Variants in TLN2 observed in about 807,000 individuals in gnomAD.
TLN2 encodes the protein talin 2, also known as talin-2.
A neutral mutation model predicts 294.7 loss-of-function variants in TLN2; 118 were observed. The observed-to-expected ratio is 0.40, with a 90% CI of 0.34 to 0.47. The LOEUF is 0.47. Among genes scored for constraint, TLN2 ranks in the 20% least tolerant of loss-of-function variants. The pLI, the probability that TLN2 is intolerant of heterozygous loss-of-function variation, is 0.84. For synonymous variants in TLN2, 1,431 were observed against 1,304.5 expected (o/e 1.10, Z -2.09); for missense variants, 3,083 against 3,282.2 (o/e 0.94, Z 1.48).
chr15:62,422,768 A>G (rs2034488907), intron 1 of TLN2, among the ~76,000 whole-genome samples: 1 of 151,984 alleles, frequency 6.6e-6, no homozygotes, highest in South Asian at 2.1e-4. Context: ...TGGTTTCTGG[A>G]TTTTTCACCT....
chr15:62,662,118 A>C (rs1203662016), intron 9 of TLN2, among the ~76,000 whole-genome samples: 5 of 152,142 alleles, frequency 3.3e-5, no homozygotes, highest in Non-Finnish European at 7.4e-5. Flanking sequence ...ACAGAGAATC[A>C]ATAAACCCAA....
At chr15:62,429,682 G>A (rs1313230174) in intron 1 of TLN2, among the ~76,000 whole-genome samples, 2 of 152,132 alleles carry the variant, frequency 1.3e-5, no homozygotes, top group African/African-American at 4.8e-5. Flanking sequence ...TGTGGCCCCT[G>A]GTCAAGGTGC....
At chr15:62,520,769 G>T (rs967315247) in intron 1 of TLN2, among the ~76,000 whole-genome samples, 3 of 152,140 alleles carry the variant, frequency 2.0e-5, no homozygotes, top group Non-Finnish European at 4.4e-5. Context: ...GTGTATATCT[G>T]TTTTAGAAGT....
chr15:62,678,982 T>C (rs185058997), intron 11 of TLN2, among the ~76,000 whole-genome samples: 12 of 151,952 alleles, frequency 7.9e-5, no homozygotes, highest in Admixed American at 6.5e-4. Flanking sequence ...ACAAAATTAC[T>C]ATGACTTGTA....
At chr15:62,781,327 T>A in intron 44 of TLN2, 86 bp downstream of exon 44, 1 of 1,047,710 alleles carries the variant, frequency 9.5e-7, no homozygotes, top group Non-Finnish European at 1.4e-6. Flanking sequence ...CAGATCTGTG[T>A]CAGAGAGAGA....
chr15:62,605,880 G>A (rs917999084), intron 2 of TLN2, among the ~76,000 whole-genome samples: 2 of 152,152 alleles, frequency 1.3e-5, no homozygotes, highest in Non-Finnish European at 2.9e-5. Context: ...CTCTTCAGAT[G>A]TGCCTGGTAC....
chr15:62,480,400 GAC>G (rs2038016017), intron 1 of TLN2, among the ~76,000 whole-genome samples: 1 of 152,072 alleles, frequency 6.6e-6, no homozygotes, highest in Non-Finnish European at 1.5e-5. Context: ...TTTTATTAGA[GAC>G]AGAGTTTCAC....
Position 62,840,636 on chromosome 15 carries a change from C to T in TLN2, c.*26C>T, listed in dbSNP as rs57314391. On this transcript the variant is annotated 3_prime_UTR_variant, in exon 59 of 59. Coordinates refer to ENST00000636159, the MANE Select transcript of TLN2 (RefSeq NM_015059.3). ...AGGTGCGAGCCCAGATGGCGAGCCC[C>T]AGGGGATGGCCCTGGCTGAACTGGA... is the stretch of plus-strand genomic sequence containing the variant. 2,938 of 1,610,572 alleles carry T rather than the reference C, an allele frequency of 1.8e-3. 40 individuals are homozygous for T. The African/African-American group carries it at 0.032, about 18-fold the overall frequency.
chr15:62,654,162 T>G (rs1388025248), intron 7 of TLN2, among the ~76,000 whole-genome samples: 1 of 152,222 alleles, frequency 6.6e-6, no homozygotes, highest in African/African-American at 2.4e-5. Context: ...CATGTCTTTT[T>G]GCAGTTTTTG....
intron 14 of TLN2, among the ~76,000 whole-genome samples, chr15:62,696,458 G>C (rs995942214): frequency 6.6e-6 from 1 of 152,208 alleles, no homozygotes; most frequent in Admixed American, 6.5e-5. Flanking sequence ...TGTATTCCCA[G>C]CACTTTGGGA....
At chr15:62,742,928 G>A (rs1279827934) in intron 32 of TLN2, among the ~76,000 whole-genome samples, 1 of 152,196 alleles carries the variant, frequency 6.6e-6, no homozygotes, top group African/African-American at 2.4e-5. Flanking sequence ...TTCATTCATT[G>A]TCTTATTCAT....
At position 62,770,944 on chromosome 15, in the gene TLN2, T is replaced by TC. The variant is rs2063317378; in HGVS notation, c.5197-20_5197-19insC. On this transcript the variant is annotated intron_variant, in intron 41 of 58. Transcript: ENST00000636159. ...GTATTTACATGATACATCTCTGGCT[T>TC]TTTTTTTTTTTTTTGAAAGGTGACA... is the stretch of plus-strand genomic sequence containing the variant. The TC allele has an allele frequency of 1.0e-6, 1 of 1,002,740 alleles. No homozygotes were observed. The highest frequency in any genetic ancestry group is 2.5e-5 in the Admixed American group (1 of 39,894). The allele number at this position is 1,002,740 out of a possible 1,614,324, so 62.1% of individuals were successfully genotyped here.
At position 62,809,854 on chromosome 15, in the gene TLN2, C is replaced by T. The variant is rs558993380; in HGVS notation, c.6664-71C>T. ...AGGTCACCAGGGTTAAGGTCTCTTG[C>T]CTCTGAGTCTGGGACTGCCCAATGC... is the stretch of plus-strand genomic sequence containing the variant. On this transcript the variant is annotated intron_variant, in intron 51 of 58. Coordinates refer to ENST00000636159, the MANE Select transcript of TLN2 (RefSeq NM_015059.3). The T allele has an allele frequency of 3.4e-6, 5 of 1,450,876 alleles. No individual in the cohort carries two copies. The East Asian group carries it at 7.1e-5, about 21-fold the overall frequency. 89.9% of individuals were successfully genotyped at this position (1,450,876 alleles called of 1,614,324 possible).
intron 1 of TLN2, among the ~76,000 whole-genome samples, chr15:62,424,810 G>A (rs2034608720): frequency 6.6e-6 from 1 of 151,402 alleles, no homozygotes; most frequent in African/African-American, 2.4e-5. Flanking sequence ...ATGCCACCAT[G>A]CCTGGCTAAT....
chr15:62,679,386 G>T (rs970543346), intron 11 of TLN2, among the ~76,000 whole-genome samples: 7 of 152,154 alleles, frequency 4.6e-5, no homozygotes, highest in African/African-American at 1.7e-4. Flanking sequence ...CTGATGAATG[G>T]GTAGACAATT....
At chr15:62,578,652 A>G (rs995432124) in intron 1 of TLN2, among the ~76,000 whole-genome samples, 1 of 152,164 alleles carries the variant, frequency 6.6e-6, no homozygotes, top group African/African-American at 2.4e-5. Flanking sequence ...GTGAATCCCC[A>G]TCCTGCTCAC....
chr15:62,672,035 C>A (rs2055491392), intron 9 of TLN2, among the ~76,000 whole-genome samples: 1 of 152,122 alleles, frequency 6.6e-6, no homozygotes, highest in Admixed American at 6.5e-5. Context: ...TAAAATTGAT[C>A]ATTGGGTTTA....
At chr15:62,482,578 G>T (rs1387567070) in intron 1 of TLN2, among the ~76,000 whole-genome samples, 2 of 117,682 alleles carry the variant, frequency 1.7e-5, no homozygotes, top group Non-Finnish European at 3.3e-5. Context: ...CTCCAGCCTG[G>T]ACAACAAGAG....
chr15:62,462,771 A>G (rs1051413650), intron 1 of TLN2, among the ~76,000 whole-genome samples: 3 of 152,258 alleles, frequency 2.0e-5, no homozygotes, highest in Non-Finnish European at 4.4e-5. Flanking sequence ...TCTGGTGGGA[A>G]TGAGACCCAC....
Sources: allele counts gnomAD v4.1 joint callset (sites outside exome capture counted in the v4.1 genomes callset), GRCh38; gene constraint gnomAD v4.1.1; transcripts MANE v1.5; gene names NCBI Gene and HGNC (gene_info 2026-07-23, HGNC 2026-07-21).